RASGRP3: variants seen among roughly 807,000 people sequenced by gnomAD.
The protein encoded by RASGRP3 is ras guanyl-releasing protein 3.
Under a neutral mutation model 82.7 loss-of-function variants are expected in RASGRP3, and 54 were observed. The ratio of observed to expected loss-of-function variants is 0.65; its 90% confidence interval spans 0.52 to 0.82. The LOEUF is 0.82. Among genes scored for constraint, RASGRP3 ranks in the 40% least tolerant of loss-of-function variants. RASGRP3 has a pLI of 0.00. For missense variants in RASGRP3, 861 were observed against 828.9 expected (o/e 1.04, Z -0.48); for synonymous variants, 309 against 300.5 (o/e 1.03, Z -0.29).
intron 5 of RASGRP3, among the ~76,000 whole-genome samples, 155 bp from the exon 6 acceptor site, chr2:33,520,396 TGG>T (rs1671910761): frequency 1.3e-5 from 2 of 152,114 alleles, no homozygotes; most frequent in African/African-American, 4.8e-5. Flanking sequence ...CTCCATGTGA[TGG>T]ATGGGGTTTT....
intron 6 of RASGRP3, 81 bp downstream of exon 6, chr2:33,520,765 A>T: frequency 6.4e-7 from 1 of 1,550,540 alleles, no homozygotes; most frequent in South Asian, 1.2e-5. Flanking sequence ...ACTTGTTCTG[A>T]GTCCATCCCA....
At chr2:33,534,292 G>A (rs746507515) in intron 10 of RASGRP3, 31 bp from the exon 11 acceptor site, 32 of 1,420,108 alleles carry the variant, frequency 2.3e-5, no homozygotes, top group Admixed American at 5.5e-5. Flanking sequence ...AATGTAATCC[G>A]ACATTTTTAT....
At position 33,510,503 on chromosome 2, in the gene RASGRP3, G is replaced by A. The variant is rs115009277; in HGVS notation, c.-260-1207G>A. Reference sequence around the variant, plus strand: ...GTGAGGCTGCTTGGCCCCCTAATAGGTGCTCCAGTGTCATCGTATTTTTTC... The same window carrying A: ...GTGAGGCTGCTTGGCCCCCTAATAGATGCTCCAGTGTCATCGTATTTTTTC... On this transcript the variant is annotated intron_variant, in intron 1 of 17. Transcript: ENST00000403687. Among the ~76,000 whole-genome samples the A allele has an allele frequency of 6.4e-3, 981 of 152,236 alleles. 9 individuals carry two copies. The highest frequency in any genetic ancestry group is 0.022 in the African/African-American group (931 of 41,524).
At chr2:33,520,775 A>T (rs1193263051) in intron 6 of RASGRP3, 91 bp downstream of exon 6, 4 of 1,516,178 alleles carry the variant, frequency 2.6e-6, no homozygotes, top group Admixed American at 1.8e-5. Context: ...AGTCCATCCC[A>T]CTCCTGAATC....
chr2:33,449,292 A>G (rs1006902826), intron 2 of RASGRP3, among the ~76,000 whole-genome samples: 1 of 152,212 alleles, frequency 6.6e-6, no homozygotes. Context: ...ATATATGCAT[A>G]TATGTTTTTT....
At position 33,487,186 on chromosome 2, in the gene RASGRP3, T is replaced by C. The variant is rs537858842; in HGVS notation, c.-261+10479T>C. Among the ~76,000 whole-genome samples the C allele has an allele frequency of 2.0e-5, 3 of 152,324 alleles. No homozygotes were observed. In the South Asian group the frequency reaches 6.2e-4, roughly 32 times the overall value. On this transcript the variant is annotated intron_variant, in intron 1 of 17. Transcript: ENST00000403687. The stretch of plus-strand genomic sequence containing the variant: ...AAGTTCTCTTAAAAAGTTCACAACG[T>C]CATTCAGACATGCAAAATAATTAAT...
rs751719380 is a variant in RASGRP3, at chr2:33,511,843, G to C, written c.-128+1G>C. The C allele has an allele frequency of 2.0e-5, 3 of 152,560 alleles. No individual in the cohort carries two copies. The highest frequency in any genetic ancestry group is 2.9e-5 in the Non-Finnish European group (2 of 68,032). 9.5% of individuals were successfully genotyped at this position (152,560 alleles called of 1,614,324 possible). A position where few individuals can be genotyped will look rare whatever the true frequency, so the allele number is the denominator to read the frequency against. ...AACTGTATCTGTATGGAAACAACAG[G>C]TAAGTATTTCTTTAAATTGTCATAA... On this transcript the variant is annotated splice_donor_variant, in intron 2 of 17. Coordinates refer to ENST00000403687, the MANE Select transcript of RASGRP3 (RefSeq NM_001139488.2). LOFTEE classifies it low-confidence loss of function (5UTR_SPLICE).
rs761850658 is a variant in RASGRP3 at position 33,539,120 on chromosome 2, C to T, written c.1188C>T (p.Asn396=). ...KSQPTSPTTP[N]KPVVPLEWAL... is the part of the protein sequence containing the mutation. ...AGCCTACCTCCCCTACGACGCCCAA[C>T]AAGCCTGTGGTACCCCTGGAGTGGG... Residue 396 remains asparagine (N), a synonymous_variant, in exon 12 of 18, where the codon AAC becomes AAT. Transcript: ENST00000403687. The T allele has an allele frequency of 6.2e-7, 1 of 1,610,294 alleles. No individual in the cohort carries two copies. The highest frequency in any genetic ancestry group is 8.5e-7 in the Non-Finnish European group (1 of 1,178,350).
intron 10 of RASGRP3, among the ~76,000 whole-genome samples, chr2:33,530,567 T>A (rs1673023675): frequency 6.6e-6 from 1 of 150,404 alleles, no homozygotes; most frequent in African/African-American, 2.5e-5. Context: ...GGAGCAAACT[T>A]CTGCATCCCA....
At chr2:33,443,288 C>G (rs560369014) in intron 1 of RASGRP3, among the ~76,000 whole-genome samples, 2 of 152,066 alleles carry the variant, frequency 1.3e-5, no homozygotes, top group African/African-American at 4.8e-5. Context: ...GTTTCCATGC[C>G]ATGAAATGGG....
rs368192429 is a variant in RASGRP3, at chr2:33,441,144, G to A, written c.-385+4553G>A. Among the ~76,000 whole-genome samples, 189 of 152,098 alleles carry A rather than the reference G, an allele frequency of 1.2e-3. 2 individuals carry two copies. The highest frequency in any genetic ancestry group is 0.01 in the Middle Eastern group (3 of 294). On this transcript the variant is annotated intron_variant, in intron 1 of 18. Coordinates refer to the RASGRP3 transcript ENST00000402538. ...TGACCTCAAATGATCCTCCTGCCTC[G>A]GCCTCCTGAAGTGCTGCGATTACAG... is the stretch of plus-strand genomic sequence containing the variant.
chr2:33,496,134 T>A (rs1474283494), intron 1 of RASGRP3, among the ~76,000 whole-genome samples: 4 of 152,234 alleles, frequency 2.6e-5, no homozygotes, highest in African/African-American at 9.6e-5. Context: ...CTGTAGTTGC[T>A]GAGTGAGGTA....
intron 2 of RASGRP3, among the ~76,000 whole-genome samples, chr2:33,460,560 G>A (rs1338955026): frequency 2.0e-5 from 3 of 151,080 alleles, no homozygotes; most frequent in Non-Finnish European, 4.4e-5. Flanking sequence ...TGTCACCCAG[G>A]CTGGAGTGCA....
chr2:33,516,529 A>C lies in RASGRP3; in HGVS notation c.71-13A>C, dbSNP rs749637718. On this transcript the variant is annotated splice_polypyrimidine_tract_variant and intron_variant, in intron 3 of 17. Coordinates refer to ENST00000403687, the MANE Select transcript of RASGRP3 (RefSeq NM_001139488.2). ...CTATTATCTCCTCACTTCTTGTTTT[A>C]TTTTTCTAACAGATGACAATGGAGA... The C allele has an allele frequency of 1.3e-6, 2 of 1,506,880 alleles. No homozygotes were observed. The highest frequency in any genetic ancestry group is 9.1e-7 in the Non-Finnish European group (1 of 1,096,054). 93.3% of individuals were successfully genotyped at this position (1,506,880 alleles called of 1,614,324 possible). A position where few individuals can be genotyped will look rare whatever the true frequency, so the allele number is the denominator to read the frequency against.
intron 1 of RASGRP3, among the ~76,000 whole-genome samples, chr2:33,437,738 A>C (rs1490384381): frequency 1.3e-5 from 2 of 152,196 alleles, no homozygotes; most frequent in East Asian, 3.8e-4. Context: ...TTTTTTACTG[A>C]TTAGAAAATT....
Position 33,476,712 on chromosome 2 carries a change from G to A in RASGRP3, c.-261+5G>A, listed in dbSNP as rs1351417403. Reference sequence around the variant, plus strand: ...TACCACGACAAAACCACCCTAGTAAGTAACTGGAGAACTTTCCTCTCTCTC... The same window carrying A: ...TACCACGACAAAACCACCCTAGTAAATAACTGGAGAACTTTCCTCTCTCTC... On this transcript the variant is annotated splice_donor_5th_base_variant and intron_variant, in intron 1 of 17. Coordinates refer to ENST00000403687, the MANE Select transcript of RASGRP3 (RefSeq NM_001139488.2). The A allele has an allele frequency of 1.3e-5, 2 of 150,106 alleles. No homozygotes were observed. The highest frequency in any genetic ancestry group is 2.9e-5 in the Non-Finnish European group (2 of 68,032). 9.3% of individuals were successfully genotyped at this position (150,106 alleles called of 1,614,324 possible).
At chr2:33,465,087 C>G (rs1011958993) in intron 2 of RASGRP3, among the ~76,000 whole-genome samples, 3 of 152,208 alleles carry the variant, frequency 2.0e-5, no homozygotes, top group East Asian at 1.9e-4. Flanking sequence ...AAAGCCAAGC[C>G]TCTTGTGCCA....
At chr2:33,560,418 G>C (rs1676515658) in intron 17 of RASGRP3, among the ~76,000 whole-genome samples, 1 of 152,166 alleles carries the variant, frequency 6.6e-6, no homozygotes, top group Non-Finnish European at 1.5e-5. Context: ...ATCATGATTA[G>C]GTGTCAACAG....
In RASGRP3 at chr2:33,505,670, A is replaced by G. The variant is rs1339073808; in HGVS notation, c.-260-6040A>G. ...GATCTTTAAAAAAATGATTTTCCCG[A>G]AGTTTAAAATTTTAACTTCTGAGGC... On this transcript the variant is annotated intron_variant, in intron 1 of 17. Coordinates refer to ENST00000403687, the MANE Select transcript of RASGRP3 (RefSeq NM_001139488.2). 3.9e-5 allele frequency among the ~76,000 whole-genome samples: 6 copies of G among 152,308 alleles called. No homozygotes were observed. In the South Asian group the frequency reaches 1.0e-3, roughly 26 times the overall value.
Sources: allele counts gnomAD v4.1 joint callset (sites outside exome capture counted in the v4.1 genomes callset), GRCh38; gene constraint gnomAD v4.1.1; transcripts MANE v1.5; gene names NCBI Gene and HGNC (gene_info 2026-07-23, HGNC 2026-07-21).